Variants in RIMS2 observed in about 807,000 individuals in gnomAD.
RIMS2 encodes regulating synaptic membrane exocytosis 2, also known as regulating synaptic membrane exocytosis protein 2.
A neutral mutation model predicts 174.4 loss-of-function variants in RIMS2; 59 were observed. The observed-to-expected ratio is 0.34, with a 90% confidence interval of 0.27 to 0.42. The LOEUF is 0.42. Ranked by LOEUF, RIMS2 falls within the 10% of genes least tolerant of loss-of-function variation. The pLI is 1.00. For missense variants in RIMS2, 1,620 were observed against 1,666.3 expected (o/e 0.97, Z 0.48); for synonymous variants, 606 against 572.5 (o/e 1.06, Z -0.84).
At chr8:103,578,714 C>T (rs2132675300) in intron 1 of RIMS2, among the ~76,000 whole-genome samples, 1 of 152,138 alleles carries the variant, frequency 6.6e-6, no homozygotes, top group South Asian at 2.1e-4. Flanking sequence ...AATACCATGG[C>T]TGAGCACAGT....
At chr8:104,091,569 C>G (rs1308681329) in intron 19 of RIMS2, among the ~76,000 whole-genome samples, 1 of 150,080 alleles carries the variant, frequency 6.7e-6, no homozygotes, top group Non-Finnish European at 1.5e-5. Context: ...CATTTACTTT[C>G]AATAAATTTT....
At chr8:104,021,962 G>A (rs1204748506) in intron 19 of RIMS2, among the ~76,000 whole-genome samples, 7 of 152,186 alleles carry the variant, frequency 4.6e-5, no homozygotes, top group Admixed American at 4.6e-4. Context: ...GTTCTTATGT[G>A]CTGAGTTAAT....
intron 1 of RIMS2, among the ~76,000 whole-genome samples, chr8:103,612,726 GT>G (rs1388349863): frequency 6.6e-6 from 1 of 152,062 alleles, no homozygotes; most frequent in African/African-American, 2.4e-5. Flanking sequence ...TTACAGGTGC[GT>G]GCCACCATGC....
intron 13 of RIMS2, among the ~76,000 whole-genome samples, chr8:103,939,357 G>A (rs1407617771): frequency 2.6e-5 from 4 of 152,298 alleles, no homozygotes; most frequent in South Asian, 4.1e-4. Context: ...ACCCTCTGAC[G>A]CCATGGCCCA....
In RIMS2 at chr8:103,581,849, G is replaced by T. The variant is rs566574363; in HGVS notation, c.176+80787G>T. Among the ~76,000 whole-genome samples, 58 of 152,316 alleles carry T rather than the reference G, an allele frequency of 3.8e-4. 1 individual carries two copies. In the South Asian group the frequency reaches 0.012, roughly 31 times the overall value. ...CCAGGTAAACTTGAAAGGCAGTGTA[G>T]GCCATAAGGACTGCAACTCTAAGGC... On this transcript the variant is annotated intron_variant, in intron 1 of 23. Coordinates refer to ENST00000504942, the Ensembl canonical transcript of RIMS2.
At chr8:104,068,491 G>A (rs1419579566) in intron 19 of RIMS2, 21 bp from the exon 23 acceptor site, 2 of 1,074,518 alleles carry the variant, frequency 1.9e-6, no homozygotes, top group Admixed American at 2.0e-5. Flanking sequence ...TTAATTTTAT[G>A]GGTTTTTTTC....
chr8:103,562,680 C>G (rs369924707), intron 1 of RIMS2, among the ~76,000 whole-genome samples: 137 of 152,314 alleles, frequency 9.0e-4, no homozygotes, highest in African/African-American at 3.2e-3. Flanking sequence ...CATAGCTCCA[C>G]TAGGCGGTGC....
In RIMS2 at chr8:104,208,336, G is replaced by C. The variant is rs369327943; in HGVS notation, c.3335-36580G>C. On this transcript the variant is annotated intron_variant, in intron 19 of 23. Coordinates refer to ENST00000504942, the Ensembl canonical transcript of RIMS2. Reference sequence around the variant, plus strand: ...TAATCCCACCATTTTGGGAGGCCGAGGGGGGCAGATCACCTGAGTTCAGGA... The same window carrying C: ...TAATCCCACCATTTTGGGAGGCCGACGGGGGCAGATCACCTGAGTTCAGGA... Among the ~76,000 whole-genome samples the C allele has an allele frequency of 1.5e-4, 22 of 149,762 alleles. No individual in the cohort carries two copies. In the East Asian group the frequency reaches 2.3e-3, roughly 16 times the overall value.
intron 2 of RIMS2, among the ~76,000 whole-genome samples, chr8:103,748,150 T>C (rs1297227526): frequency 6.6e-6 from 1 of 151,998 alleles, no homozygotes; most frequent in Non-Finnish European, 1.5e-5. Context: ...CCTTAAAGTT[T>C]TCAAGAATTA....
At chr8:104,048,651 G>C (rs1239393868) in intron 19 of RIMS2, among the ~76,000 whole-genome samples, 1 of 151,964 alleles carries the variant, frequency 6.6e-6, no homozygotes, top group African/African-American at 2.4e-5. Flanking sequence ...TTAAATAATG[G>C]GGCAATGGCT....
chr8:104,089,072 T>C (rs1221617940), intron 19 of RIMS2, among the ~76,000 whole-genome samples: 1 of 151,962 alleles, frequency 6.6e-6, no homozygotes, highest in Non-Finnish European at 1.5e-5. Flanking sequence ...TTCTTTACTC[T>C]CTTCCAAGAT....
intron 19 of RIMS2, among the ~76,000 whole-genome samples, chr8:104,199,210 C>T (rs987767359): frequency 1.2e-4 from 18 of 152,058 alleles, no homozygotes; most frequent in Non-Finnish European, 2.2e-4. Flanking sequence ...TACAGGCGCC[C>T]GCCACCACGC....
chr8:103,962,880 T>C (rs1006129263), intron 15 of RIMS2, among the ~76,000 whole-genome samples: 3 of 152,186 alleles, frequency 2.0e-5, no homozygotes, highest in Non-Finnish European at 4.4e-5. Context: ...CCCAGCTAAA[T>C]TTTGGATATG....
intron 1 of RIMS2, among the ~76,000 whole-genome samples, chr8:103,653,558 G>A (rs1274783890): frequency 1.3e-5 from 2 of 152,092 alleles, no homozygotes; most frequent in African/African-American, 2.4e-5. Context: ...GAATGGACAA[G>A]TTGACAAGTG....
intron 19 of RIMS2, among the ~76,000 whole-genome samples, chr8:104,095,716 A>G (rs2097750647): frequency 6.6e-6 from 1 of 152,054 alleles, no homozygotes; most frequent in Non-Finnish European, 1.5e-5. Context: ...GTAGTCCAGA[A>G]TTTGATTTTG....
chr8:103,801,553 C>T (rs2098608168), intron 3 of RIMS2, among the ~76,000 whole-genome samples: 1 of 152,068 alleles, frequency 6.6e-6, no homozygotes, highest in African/African-American at 2.4e-5. Context: ...TATCTTACAC[C>T]TATATTTAAT....
At position 104,093,656 on chromosome 8, in the gene RIMS2, C is replaced by T. The variant is rs2130259862; in HGVS notation, c.3334+79041C>T. The T allele has an allele frequency of 1.9e-6, 3 of 1,575,322 alleles. No homozygotes were observed. The highest frequency in any genetic ancestry group is 1.1e-5 in the South Asian group (1 of 88,736). On this transcript the variant is annotated intron_variant, in intron 19 of 23. Transcript: ENST00000504942. The stretch of plus-strand genomic sequence containing the variant: ...ACAAGAAAATCAGGTAAGGGGATTT[C>T]AACAACAAACTTCTCTAAATATGTT...
chr8:103,608,714 T>C (rs907749596), intron 1 of RIMS2, among the ~76,000 whole-genome samples: 4 of 152,072 alleles, frequency 2.6e-5, no homozygotes, highest in Admixed American at 6.5e-5. Context: ...TTTAAGCCCT[T>C]CAGAAAAGCG....
intron 19 of RIMS2, among the ~76,000 whole-genome samples, chr8:104,150,251 T>C (rs1022757992): frequency 6.6e-6 from 1 of 152,222 alleles, no homozygotes; most frequent in Non-Finnish European, 1.5e-5. Context: ...TTAGTAAGAC[T>C]ACAAGTTAGA....
Sources: gnomAD v4.1 joint callset for allele counts (sites outside exome capture counted in the v4.1 genomes callset) on GRCh38, gnomAD v4.1.1 for gene constraint, MANE v1.5 for transcripts, NCBI Gene and HGNC (gene_info 2026-07-23, HGNC 2026-07-21) for gene names.